The following GRIP1 variants were observed in gnomAD, a reference collection of about 807,000 sequenced individuals.
GRIP1 encodes the protein glutamate receptor interacting protein 1.
GRIP1 carries 45 observed loss-of-function variants against 129.9 expected under a neutral mutation model. That is an observed-to-expected ratio of 0.35 (90% confidence interval 0.27 to 0.44). GRIP1 has a LOEUF of 0.44. Ranked by LOEUF, GRIP1 falls within the 20% of genes least tolerant of loss-of-function variation. The probability of loss-of-function intolerance (pLI) is 1.00; values close to 1 mark genes in which losing one functional copy is unlikely to be tolerated. For missense variants in GRIP1, 1,196 were observed against 1,396.8 expected (o/e 0.86, Z 2.29); for synonymous variants, 530 against 520.8 (o/e 1.02, Z -0.24).
upstream of GRIP1, chr12:66,804,203 G>T: frequency 2.2e-6 from 1 of 450,378 alleles, no homozygotes; most frequent in Non-Finnish European, 4.5e-6. Flanking sequence ...TCACCGTGCA[G>T]CGCGGCACAG....
chr12:66,501,054 C>G (rs2060378628), intron 7 of GRIP1, among the ~76,000 whole-genome samples: 1 of 152,154 alleles, frequency 6.6e-6, no homozygotes, highest in African/African-American at 2.4e-5. Context: ...CTGTGTCACA[C>G]AGAAGAGCCA....
chr12:66,908,255 G>A (rs1210029918), intron 1 of GRIP1, among the ~76,000 whole-genome samples: 1 of 152,030 alleles, frequency 6.6e-6, no homozygotes, highest in Non-Finnish European at 1.5e-5. Context: ...CAGCTTTTTT[G>A]GCAGGAGGGC....
intron 10 of GRIP1, 92 bp from the exon 11 acceptor site, chr12:66,455,656 C>T (rs148318378): frequency 8.6e-7 from 1 of 1,167,100 alleles, no homozygotes; most frequent in Non-Finnish European, 1.3e-6. Context: ...GAAAGACACA[C>T]ATGATGCATA....
At chr12:66,962,816 A>G (rs1473721228) in intron 1 of GRIP1, among the ~76,000 whole-genome samples, 1 of 152,176 alleles carries the variant, frequency 6.6e-6, no homozygotes, top group Non-Finnish European at 1.5e-5. Context: ...TCAGCAATAC[A>G]TAGGTATATT....
intron 1 of GRIP1, among the ~76,000 whole-genome samples, chr12:67,009,337 A>G (rs1191839821): frequency 6.6e-6 from 1 of 152,164 alleles, no homozygotes; most frequent in Non-Finnish European, 1.5e-5. Flanking sequence ...ACATGGAGGA[A>G]GATGCTTATC....
chr12:66,829,162 T>C (rs968523088), intron 1 of GRIP1, among the ~76,000 whole-genome samples: 13 of 152,160 alleles, frequency 8.5e-5, no homozygotes, highest in African/African-American at 2.9e-4. Context: ...TCTTGAACTA[T>C]CCAGGTAGAC....
At chr12:66,926,074 T>A (rs889492632) in intron 1 of GRIP1, among the ~76,000 whole-genome samples, 2 of 152,118 alleles carry the variant, frequency 1.3e-5, no homozygotes, top group Non-Finnish European at 2.9e-5. Context: ...TACTAAGAGG[T>A]GAATGGACAG....
chr12:66,892,936 A>G (rs572211276), intron 1 of GRIP1, among the ~76,000 whole-genome samples: 2 of 152,320 alleles, frequency 1.3e-5, no homozygotes, highest in South Asian at 4.1e-4. Flanking sequence ...AATGCAGTCC[A>G]GCCTAGGTGA....
chr12:67,033,703 C>T (rs2043055423), intron 1 of GRIP1, among the ~76,000 whole-genome samples: 1 of 152,166 alleles, frequency 6.6e-6, no homozygotes, highest in African/African-American at 2.4e-5. Context: ...CTCACCCACC[C>T]CATCCTAGCT....
Position 66,690,710 on chromosome 12 carries a change from TA to T in GRIP1, c.-419-60375del, listed in dbSNP as rs1220051835. Reference sequence around the variant, plus strand: ...GCGAGACCTTGTCTCTAATAAAAATTAAAAAAAAATTTTTTCAAAAAATTTT... The same window carrying T: ...GCGAGACCTTGTCTCTAATAAAAATTAAAAAAAATTTTTTCAAAAAATTTT... On this transcript the variant is annotated intron_variant, in intron 1 of 4. Coordinates refer to the GRIP1 transcript ENST00000538373. Among the ~76,000 whole-genome samples, 198 of 149,282 alleles carry T rather than the reference TA, an allele frequency of 1.3e-3. 2 individuals carry two copies. The highest frequency in any genetic ancestry group is 4.7e-3 in the African/African-American group (190 of 40,772).
At chr12:66,599,147 C>T (rs914593809) in intron 1 of GRIP1, among the ~76,000 whole-genome samples, 3 of 152,164 alleles carry the variant, frequency 2.0e-5, no homozygotes, top group Non-Finnish European at 4.4e-5. Flanking sequence ...ATCACCACCC[C>T]CAACCTCCAC....
At chr12:66,525,909 C>T (rs2061217362) in intron 5 of GRIP1, among the ~76,000 whole-genome samples, 1 of 151,914 alleles carries the variant, frequency 6.6e-6, no homozygotes, top group African/African-American at 2.4e-5. Context: ...AGAGCCAAAT[C>T]ATGAGTTAAC....
chr12:66,751,708 T>C (rs947740048), intron 1 of GRIP1, among the ~76,000 whole-genome samples: 1 of 152,200 alleles, frequency 6.6e-6, no homozygotes, highest in Admixed American at 6.5e-5. Flanking sequence ...AGGGTGGTGC[T>C]TTCATTAACC....
At chr12:66,750,446 G>C (rs572072230) in intron 1 of GRIP1, among the ~76,000 whole-genome samples, 7 of 152,266 alleles carry the variant, frequency 4.6e-5, no homozygotes, top group African/African-American at 1.7e-4. Context: ...CCTCAATATA[G>C]GGTGCCAGCT....
At chr12:66,931,138 A>G (rs1177934506) in intron 1 of GRIP1, among the ~76,000 whole-genome samples, 1 of 152,246 alleles carries the variant, frequency 6.6e-6, no homozygotes, top group Non-Finnish European at 1.5e-5. Flanking sequence ...GAAAGAAAAT[A>G]AAAGGGAAAA....
intron 1 of GRIP1, among the ~76,000 whole-genome samples, chr12:66,725,112 T>C (rs1174409190): frequency 5.3e-5 from 8 of 152,006 alleles, no homozygotes; most frequent in Admixed American, 5.3e-4. Flanking sequence ...GGCAACATAA[T>C]GAAACCCCAG....
In GRIP1 at chr12:66,810,089, T is replaced by C. The variant is rs1393409438; in HGVS notation, c.59-213162A>G. Reference sequence around the variant, plus strand: ...CACTTCTAATGAATAATTCTGAATTTGAGAGGGGATCAGAAGCCATTCCAT... The same window carrying C: ...CACTTCTAATGAATAATTCTGAATTCGAGAGGGGATCAGAAGCCATTCCAT... On this transcript the variant is annotated intron_variant, in intron 1 of 1. Coordinates refer to the GRIP1 transcript ENST00000643019. 9.9e-5 allele frequency among the ~76,000 whole-genome samples: 15 copies of C among 152,136 alleles called. 1 individual carries two copies.
At chr12:66,575,355 C>T (rs1482466900) in intron 2 of GRIP1, among the ~76,000 whole-genome samples, 1 of 152,126 alleles carries the variant, frequency 6.6e-6, no homozygotes, top group African/African-American at 2.4e-5. Context: ...GAAAAACATA[C>T]ATTTTAAAAT....
chr12:66,598,030 T>A (rs1290069951), intron 1 of GRIP1, among the ~76,000 whole-genome samples: 2 of 150,846 alleles, frequency 1.3e-5, no homozygotes, highest in Non-Finnish European at 3.0e-5. Context: ...ATAAGATGTA[T>A]CGTTGTTGTT....
Sources: allele counts gnomAD v4.1 joint callset (sites outside exome capture counted in the v4.1 genomes callset), GRCh38; gene constraint gnomAD v4.1.1; transcripts MANE v1.5; gene names NCBI Gene and HGNC (gene_info 2026-07-23, HGNC 2026-07-21).